The following SHISAL2B variants were observed in gnomAD, a reference collection of about 807,000 sequenced individuals.
SHISAL2B encodes the protein protein shisa-like-2B.
Under a neutral mutation model 16.5 loss-of-function variants are expected in SHISAL2B, and 12 were observed. That is an observed-to-expected ratio of 0.73 (90% CI 0.47 to 1.18). The LOEUF (loss-of-function observed/expected upper bound fraction) is 1.18, where lower values mean the gene tolerates loss of function less well. Ranked by LOEUF, SHISAL2B falls within the 50% of genes most tolerant of loss-of-function variation. The probability of loss-of-function intolerance (pLI) is 0.00; values close to 1 mark genes in which losing one functional copy is unlikely to be tolerated. For synonymous variants in SHISAL2B, 72 were observed against 75.0 expected, an observed-to-expected ratio of 0.96 and a Z score of 0.21; for missense variants, 183 against 193.6, an observed-to-expected ratio of 0.95 and a Z score of 0.33.
At chr5:64,700,944 T>C (rs1042503025) in intron 2 of SHISAL2B, among the ~76,000 whole-genome samples, 15 of 152,202 alleles carry the variant, frequency 9.9e-5, no homozygotes, top group Admixed American at 2.6e-4. Flanking sequence ...AGTGTTGATT[T>C]GACAGGAGGT....
chr5:64,697,787 G>A (rs548088247), intron 2 of SHISAL2B, among the ~76,000 whole-genome samples: 5 of 152,164 alleles, frequency 3.3e-5, no homozygotes, highest in African/African-American at 1.2e-4. Flanking sequence ...ATTGAGAAAA[G>A]TCCCCACCCA....
At chr5:64,712,192 C>A (rs1321014319) in intron 2 of SHISAL2B, among the ~76,000 whole-genome samples, 2 of 147,500 alleles carry the variant, frequency 1.4e-5, no homozygotes, top group African/African-American at 5.0e-5. Context: ...ATAAATTTCC[C>A]TCTACACACT....
chr5:64,700,501 C>A (rs1741794313), intron 2 of SHISAL2B, among the ~76,000 whole-genome samples: 1 of 152,160 alleles, frequency 6.6e-6, no homozygotes, highest in African/African-American at 2.4e-5. Context: ...ACCTCTGCCT[C>A]CCTGTTTCAA....
At chr5:64,717,847 T>C (rs1742078740) in intron 2 of SHISAL2B, 42 bp from the exon 3 acceptor site, 1 of 1,471,650 alleles carries the variant, frequency 6.8e-7, no homozygotes. Context: ...AGTGAAACGA[T>C]GTCATAATTT....
intron 2 of SHISAL2B, among the ~76,000 whole-genome samples, chr5:64,696,569 A>G (rs1292011148): frequency 6.6e-6 from 1 of 152,132 alleles, no homozygotes; most frequent in African/African-American, 2.4e-5. Flanking sequence ...GACCCTGGGA[A>G]AGGAATGCAT....
chr5:64,707,035 C>T (rs557342233), intron 2 of SHISAL2B, among the ~76,000 whole-genome samples: 1 of 152,176 alleles, frequency 6.6e-6, no homozygotes, highest in Non-Finnish European at 1.5e-5. Context: ...AACAGGTGTA[C>T]TATAGCTCAT....
intron 2 of SHISAL2B, among the ~76,000 whole-genome samples, chr5:64,697,912 TAG>T (rs1741761565): frequency 6.6e-6 from 1 of 152,208 alleles, no homozygotes; most frequent in Non-Finnish European, 1.5e-5. Flanking sequence ...TCCTTCTCTG[TAG>T]AGGAGATCTC....
chr5:64,712,360 T>G (rs990029129), intron 2 of SHISAL2B, among the ~76,000 whole-genome samples: 4 of 152,304 alleles, frequency 2.6e-5, no homozygotes, highest in Middle Eastern at 3.4e-3. Flanking sequence ...TGAGTGAGAT[T>G]ATTAATCCTG....
At chr5:64,717,140 A>C (rs1010397742) in intron 2 of SHISAL2B, among the ~76,000 whole-genome samples, 1 of 152,196 alleles carries the variant, frequency 6.6e-6, no homozygotes, top group African/African-American at 2.4e-5. Context: ...CTGGAAGCCA[A>C]GGAAATAACT....
intron 2 of SHISAL2B, among the ~76,000 whole-genome samples, chr5:64,705,490 G>A (rs1035636734): frequency 2.0e-5 from 3 of 151,854 alleles, no homozygotes; most frequent in African/African-American, 4.8e-5. Context: ...TAGATTTCCA[G>A]GAATTCAAAA....
intron 1 of SHISAL2B, chr5:64,694,045 G>C (rs1476379675): frequency 2.2e-6 from 1 of 454,340 alleles, no homozygotes; most frequent in Admixed American, 2.4e-5. Flanking sequence ...AATGCTCCTG[G>C]CATCCCTGGT....
chr5:64,696,382 G>C (rs971560699), intron 2 of SHISAL2B, among the ~76,000 whole-genome samples: 3 of 152,132 alleles, frequency 2.0e-5, no homozygotes, highest in Non-Finnish European at 4.4e-5. Flanking sequence ...CCTTGAAAAA[G>C]AACAGAATAA....
chr5:64,707,844 G>A (rs1233401279), intron 2 of SHISAL2B, among the ~76,000 whole-genome samples: 1 of 152,096 alleles, frequency 6.6e-6, no homozygotes, highest in Non-Finnish European at 1.5e-5. Context: ...CTTAACTCTG[G>A]TCCTGTTTGA....
intron 2 of SHISAL2B, among the ~76,000 whole-genome samples, chr5:64,703,592 T>C (rs1013123093): frequency 6.6e-6 from 1 of 152,342 alleles, no homozygotes; most frequent in Non-Finnish European, 1.5e-5. Flanking sequence ...TAGAAGCCAG[T>C]ATCTCATTGA....
In SHISAL2B at chr5:64,717,917, C is replaced by T. The variant is rs1261614045; in HGVS notation, c.378C>T (p.Leu126=). The T allele has an allele frequency of 2.0e-6, 3 of 1,514,518 alleles. No individual in the cohort carries two copies. The Admixed American group carries it at 6.9e-5, about 35-fold the overall frequency. 93.8% of individuals were successfully genotyped at this position (1,514,518 alleles called of 1,614,324 possible). A position where few individuals can be genotyped will look rare whatever the true frequency, so the allele number is the denominator to read the frequency against. ...AGTCAAATGGAAAAACCAAAGCCCTCAATTCAAATGCAGCATCAAATGCAA... is the reference window on the plus strand; with the variant it reads ...AGTCAAATGGAAAAACCAAAGCCCTTAATTCAAATGCAGCATCAAATGCAA... ...EGKSNGKTKA[L]NSNAASNATN... Residue 126 remains leucine (L), a synonymous_variant, in exon 3 of 3, where the codon CTC becomes CTT. Coordinates refer to ENST00000389074, the MANE Select transcript of SHISAL2B (RefSeq NM_001164442.2).
chr5:64,709,174 C>T (rs13156495), intron 2 of SHISAL2B, among the ~76,000 whole-genome samples: 4 of 134,184 alleles, frequency 3.0e-5, no homozygotes, highest in Admixed American at 2.2e-4. Context: ...TCTCCCAATG[C>T]TATCCCTCCC....
At chr5:64,703,856 A>G (rs918949129) in intron 2 of SHISAL2B, among the ~76,000 whole-genome samples, 9 of 152,118 alleles carry the variant, frequency 5.9e-5, no homozygotes, top group Non-Finnish European at 1.3e-4. Flanking sequence ...ATCTCTTTAT[A>G]TACTTGAGGG....
intron 2 of SHISAL2B, among the ~76,000 whole-genome samples, chr5:64,702,970 A>G (rs944515785): frequency 2.0e-5 from 3 of 152,166 alleles, no homozygotes; most frequent in African/African-American, 7.2e-5. Context: ...GAATTACTGT[A>G]GCTATACAGT....
At chr5:64,702,358 G>A (rs987146685) in intron 2 of SHISAL2B, among the ~76,000 whole-genome samples, 3 of 152,042 alleles carry the variant, frequency 2.0e-5, no homozygotes, top group South Asian at 2.1e-4. Flanking sequence ...GAGCCACCAC[G>A]CCAGGCTAAT....
Sources: allele counts gnomAD v4.1 joint callset (sites outside exome capture counted in the v4.1 genomes callset), GRCh38; gene constraint gnomAD v4.1.1; transcripts MANE v1.5; gene names NCBI Gene and HGNC (gene_info 2026-07-23, HGNC 2026-07-21).